The following ADAM23 variants were observed in gnomAD, a reference collection of about 807,000 sequenced individuals.
ADAM23 encodes the protein ADAM metallopeptidase domain 23.
In ADAM23, 33 loss-of-function variants were observed where a neutral mutation model predicts 120.1. The observed-to-expected ratio is 0.27, with a 90% CI of 0.21 to 0.37. The LOEUF (loss-of-function observed/expected upper bound fraction) is 0.37, where lower values mean the gene tolerates loss of function less well. ADAM23 is among the 10% of genes least tolerant of loss of function. The probability of loss-of-function intolerance (pLI) is 1.00; values close to 1 mark genes in which losing one functional copy is unlikely to be tolerated. For missense variants in ADAM23, 862 were observed against 1,058.2 expected (o/e 0.81, Z 2.57); for synonymous variants, 367 against 375.2 (o/e 0.98, Z 0.25).
chr2:206,593,557 C>CT (rs570849971), intron 22 of ADAM23, among the ~76,000 whole-genome samples: 16 of 149,204 alleles, frequency 1.1e-4, no homozygotes, highest in African/African-American at 2.2e-4. Flanking sequence ...CAAATGGTTA[C>CT]TTTTTTTTTT....
chr2:206,562,620 A>G (rs1355665262), intron 13 of ADAM23, among the ~76,000 whole-genome samples: 1 of 152,238 alleles, frequency 6.6e-6, no homozygotes, highest in Non-Finnish European at 1.5e-5. Flanking sequence ...ACAAGGTGCT[A>G]GATAAAGCCT....
At chr2:206,478,790 C>G (rs1466742990) in intron 2 of ADAM23, among the ~76,000 whole-genome samples, 1 of 152,158 alleles carries the variant, frequency 6.6e-6, no homozygotes, top group Non-Finnish European at 1.5e-5. Context: ...TTCATTTTGA[C>G]TCGATTTTTA....
At chr2:206,453,603 A>G (rs1695239005) in intron 2 of ADAM23, among the ~76,000 whole-genome samples, 1 of 152,332 alleles carries the variant, frequency 6.6e-6, no homozygotes, top group South Asian at 2.1e-4. Flanking sequence ...TGAATTCAGT[A>G]TGATTTTAAT....
chr2:206,512,665 G>T (rs942924539), intron 3 of ADAM23, among the ~76,000 whole-genome samples: 5 of 150,780 alleles, frequency 3.3e-5, no homozygotes, highest in South Asian at 2.1e-4. Context: ...CTTTTTTTTT[G>T]AGCAAAAAGC....
At position 206,445,298 on chromosome 2, in the gene ADAM23, C is replaced by T. The variant is rs375361836; in HGVS notation, c.215-9C>T. The T allele has an allele frequency of 1.9e-6, 3 of 1,611,948 alleles. No individual in the cohort carries two copies. The highest frequency in any genetic ancestry group is 1.7e-4 in the Middle Eastern group (1 of 6,056). On this transcript the variant is annotated splice_polypyrimidine_tract_variant and intron_variant, in intron 1 of 25. Transcript: ENST00000264377. ...ATTTTCTGCTCCCCCACCCCCCTAC[C>T]TCCACCAGCTCCGCATTGGAATGAA...
intron 25 of ADAM23, among the ~76,000 whole-genome samples, chr2:206,615,047 C>T (rs1295009277): frequency 3.9e-5 from 6 of 152,138 alleles, no homozygotes; most frequent in Non-Finnish European, 8.8e-5. Context: ...CAGGGGGTGA[C>T]TCAGCATAGA....
chr2:206,551,048 A>G (rs1026198026), intron 9 of ADAM23, among the ~76,000 whole-genome samples: 1 of 152,236 alleles, frequency 6.6e-6, no homozygotes, highest in Non-Finnish European at 1.5e-5. Flanking sequence ...TGAAGATACA[A>G]TAGAAACTCC....
chr2:206,558,506 A>AT, intron 10 of ADAM23, among the ~76,000 whole-genome samples: 1 of 152,224 alleles, frequency 6.6e-6, no homozygotes, highest in Non-Finnish European at 1.5e-5. Flanking sequence ...GCACAAAACT[A>AT]TAACATGAGT....
chr2:206,497,777 C>T lies in ADAM23; in HGVS notation c.509+16469C>T, dbSNP rs566981431. On this transcript the variant is annotated intron_variant, in intron 3 of 25. Transcript: ENST00000264377. Reference sequence around the variant, plus strand: ...CCCCATCATCTCAGCCCAAAATCTCCTTAAGCTGATAAGCAACTTCAGCAA... The same window carrying T: ...CCCCATCATCTCAGCCCAAAATCTCTTTAAGCTGATAAGCAACTTCAGCAA... 3.3e-4 allele frequency among the ~76,000 whole-genome samples: 51 copies of T among 152,272 alleles called. No individual in the cohort carries two copies. The South Asian group carries it at 3.5e-3, about 11-fold the overall frequency.
chr2:206,471,371 A>G (rs1396731460), intron 2 of ADAM23, among the ~76,000 whole-genome samples: 5 of 152,162 alleles, frequency 3.3e-5, no homozygotes, highest in Non-Finnish European at 7.4e-5. Flanking sequence ...CCTTGGATTG[A>G]TATTTGCATT....
In ADAM23 at chr2:206,512,344, A is replaced by G. The variant is rs539988458; in HGVS notation, c.510-18541A>G. On this transcript the variant is annotated intron_variant, in intron 3 of 25. Transcript: ENST00000264377. ...AAAAGGAAAAAAGCCTCATTATGCT[A>G]TTACTTCACTCATCATTTCTGATTT... 2.6e-5 allele frequency among the ~76,000 whole-genome samples: 4 copies of G among 152,318 alleles called. No individual in the cohort carries two copies. In the South Asian group the frequency reaches 8.3e-4, roughly 32 times the overall value.
intron 2 of ADAM23, among the ~76,000 whole-genome samples, chr2:206,446,804 A>G (rs10176636): frequency 1.1e-4 from 17 of 152,050 alleles, no homozygotes; most frequent in African/African-American, 3.9e-4. Flanking sequence ...ATAAGCTCCT[A>G]TATAACTTAA....
At chr2:206,509,663 C>T (rs563135464) in intron 3 of ADAM23, among the ~76,000 whole-genome samples, 2 of 152,114 alleles carry the variant, frequency 1.3e-5, no homozygotes, top group South Asian at 2.1e-4. Flanking sequence ...TGGTTAGGCA[C>T]GTCTCAAACT....
intron 25 of ADAM23, among the ~76,000 whole-genome samples, chr2:206,612,407 C>T (rs531926653): frequency 1.3e-5 from 2 of 152,120 alleles, no homozygotes; most frequent in Non-Finnish European, 2.9e-5. Flanking sequence ...AAAAGAAATT[C>T]CTTTAGAATC....
At chr2:206,518,251 CAT>C (rs1283455649) in intron 3 of ADAM23, among the ~76,000 whole-genome samples, 3 of 152,078 alleles carry the variant, frequency 2.0e-5, no homozygotes, top group Admixed American at 6.6e-5. Flanking sequence ...GATTTCAGGA[CAT>C]ATATTTAGAG....
chr2:206,462,641 G>C (rs1475659020), intron 2 of ADAM23, among the ~76,000 whole-genome samples: 1 of 152,146 alleles, frequency 6.6e-6, no homozygotes, highest in African/African-American at 2.4e-5. Context: ...TGGAGACTCA[G>C]CAAGAACAGC....
At chr2:206,490,653 G>A (rs1402895908) in intron 3 of ADAM23, among the ~76,000 whole-genome samples, 3 of 152,194 alleles carry the variant, frequency 2.0e-5, no homozygotes, top group African/African-American at 4.8e-5. Flanking sequence ...AGGCCTGATA[G>A]TATTCTAAGC....
intron 18 of ADAM23, among the ~76,000 whole-genome samples, chr2:206,580,968 T>TC (rs1698209319): frequency 6.6e-6 from 1 of 152,192 alleles, no homozygotes. Flanking sequence ...CAGGAATTTA[T>TC]CCATCCCTTC....
rs569492125 is a variant in ADAM23 at position 206,572,527 on chromosome 2, C to T, written c.1657-588C>T. The stretch of plus-strand genomic sequence containing the variant: ...GAAGTTTCTAGCTTATTTCTCCTTG[C>T]TTCATGTCCCCAACCAGATTATAAA... On this transcript the variant is annotated intron_variant, in intron 17 of 25. Coordinates refer to ENST00000264377, the MANE Select transcript of ADAM23 (RefSeq NM_003812.4). Among the ~76,000 whole-genome samples, 9 of 152,276 alleles carry T rather than the reference C, an allele frequency of 5.9e-5. No individual in the cohort carries two copies. In the South Asian group the frequency reaches 1.7e-3, roughly 28 times the overall value.
Sources: gnomAD v4.1 joint callset for allele counts (sites outside exome capture counted in the v4.1 genomes callset) on GRCh38, gnomAD v4.1.1 for gene constraint, MANE v1.5 for transcripts, NCBI Gene and HGNC (gene_info 2026-07-23, HGNC 2026-07-21) for gene names.